NRXN3: variants seen among roughly 807,000 people sequenced by gnomAD.
NRXN3 encodes the protein neurexin III.
In NRXN3, 32 loss-of-function variants were observed where a neutral mutation model predicts 137.6. The ratio of observed to expected loss-of-function variants is 0.23; its 90% confidence interval spans 0.18 to 0.31. The LOEUF (loss-of-function observed/expected upper bound fraction) is 0.31, where lower values mean the gene tolerates loss of function less well. Ranked by LOEUF, NRXN3 falls within the 10% of genes least tolerant of loss-of-function variation. The probability of loss-of-function intolerance (pLI) is 1.00; values close to 1 mark genes in which losing one functional copy is unlikely to be tolerated. For missense variants in NRXN3, 1,574 were observed against 2,062.5 expected (o/e 0.76, Z 4.59); for synonymous variants, 798 against 784.5 (o/e 1.02, Z -0.29).
intron 15 of NRXN3, among the ~76,000 whole-genome samples, chr14:79,068,751 T>A (rs1325008638): frequency 6.6e-6 from 1 of 152,026 alleles, no homozygotes; most frequent in Non-Finnish European, 1.5e-5. Context: ...TCAATAAATA[T>A]GTAGTTTAAT....
At chr14:78,448,642 T>C (rs970167073) in intron 4 of NRXN3, among the ~76,000 whole-genome samples, 10 of 152,166 alleles carry the variant, frequency 6.6e-5, no homozygotes, top group Admixed American at 1.3e-4. Context: ...TTGTGCAATA[T>C]TCAGGTCTGC....
intron 10 of NRXN3, among the ~76,000 whole-genome samples, chr14:78,956,327 T>C (rs752549494): frequency 2.6e-5 from 4 of 152,194 alleles, no homozygotes; most frequent in Admixed American, 6.5e-5. Context: ...AAGAATGTGA[T>C]ATTTTCTTCC....
chr14:79,007,805 C>CA (rs1160867331), intron 15 of NRXN3, among the ~76,000 whole-genome samples: 2,200 of 35,514 alleles, frequency 0.062, 55 homozygotes, highest in Non-Finnish European at 0.081. Flanking sequence ...GACTCCATCT[C>CA]AAAAAAAAAA....
At chr14:78,925,135 T>C (rs1185029638) in intron 10 of NRXN3, among the ~76,000 whole-genome samples, 1 of 152,226 alleles carries the variant, frequency 6.6e-6, no homozygotes, top group Non-Finnish European at 1.5e-5. Flanking sequence ...TCTGGATCTG[T>C]TAGGTTGTCT....
intron 2 of NRXN3, among the ~76,000 whole-genome samples, chr14:78,262,538 C>T (rs2070918853): frequency 6.6e-6 from 1 of 152,158 alleles, no homozygotes; most frequent in Non-Finnish European, 1.5e-5. Context: ...CGAATAGCTG[C>T]ACCGTGTGGC....
chr14:79,348,922 T>G (rs1254683876), intron 15 of NRXN3, among the ~76,000 whole-genome samples: 1 of 152,230 alleles, frequency 6.6e-6, no homozygotes, highest in Non-Finnish European at 1.5e-5. Flanking sequence ...GAGAATGTTC[T>G]TTTATAACTC....
intron 15 of NRXN3, among the ~76,000 whole-genome samples, chr14:79,107,734 G>A (rs576767379): frequency 2.0e-5 from 3 of 152,090 alleles, no homozygotes; most frequent in South Asian, 2.1e-4. Context: ...GGAATTGAGG[G>A]CATCTACTTT....
At chr14:78,881,717 GAAGCAGAGCATAA>G (rs2099129594) in intron 10 of NRXN3, among the ~76,000 whole-genome samples, 1 of 151,782 alleles carries the variant, frequency 6.6e-6, no homozygotes, top group Non-Finnish European at 1.5e-5. Context: ...GTTTAAATGA[GAAGCAGAGCATAA>G]AAGTTTGGAA....
chr14:79,018,605 C>T (rs556676813), intron 15 of NRXN3, among the ~76,000 whole-genome samples: 1 of 152,162 alleles, frequency 6.6e-6, no homozygotes, highest in East Asian at 1.9e-4. Flanking sequence ...CTCTCTCACT[C>T]TCCTTTACAG....
chr14:78,573,776 G>A (rs1288232156), intron 4 of NRXN3, among the ~76,000 whole-genome samples: 3 of 152,178 alleles, frequency 2.0e-5, no homozygotes, highest in Admixed American at 6.5e-5. Flanking sequence ...CGATAGAAAA[G>A]AAAAACCCAT....
chr14:78,992,512 T>C (rs1478865836), intron 15 of NRXN3, among the ~76,000 whole-genome samples: 1 of 152,206 alleles, frequency 6.6e-6, no homozygotes, highest in Admixed American at 6.5e-5. Flanking sequence ...TTCTAGCATG[T>C]TGTAGCCATG....
At chr14:78,847,295 G>A (rs1047124911) in intron 10 of NRXN3, among the ~76,000 whole-genome samples, 4 of 152,072 alleles carry the variant, frequency 2.6e-5, no homozygotes, top group African/African-American at 9.7e-5. Flanking sequence ...TGCCCAACCT[G>A]CCACGGCTTG....
intron 16 of NRXN3, among the ~76,000 whole-genome samples, chr14:79,482,469 C>T (rs1600948210): frequency 6.6e-6 from 1 of 152,136 alleles, no homozygotes. Context: ...TCTATTTCTA[C>T]CACCCTGACA....
intron 15 of NRXN3, among the ~76,000 whole-genome samples, chr14:79,106,717 TTG>T (rs2052515401): frequency 6.6e-6 from 1 of 152,156 alleles, no homozygotes; most frequent in Non-Finnish European, 1.5e-5. Context: ...CCATAATTGA[TTG>T]TGTTTAGTAC....
At chr14:78,855,127 G>A (rs1053239685) in intron 10 of NRXN3, among the ~76,000 whole-genome samples, 1 of 150,914 alleles carries the variant, frequency 6.6e-6, no homozygotes, top group Non-Finnish European at 1.5e-5. Flanking sequence ...TCACGCTGCT[G>A]CACTCCAGCT....
At chr14:79,504,641 T>TATATATATATATATATA (rs1555491923) in intron 16 of NRXN3, among the ~76,000 whole-genome samples, 52 of 97,882 alleles carry the variant, frequency 5.3e-4, no homozygotes, top group African/African-American at 5.2e-4. Flanking sequence ...ATGAAGTTTT[T>TATATATATATATATATA]TATATATATA....
At chr14:78,631,532 T>G (rs2097523067) in intron 4 of NRXN3, among the ~76,000 whole-genome samples, 1 of 152,218 alleles carries the variant, frequency 6.6e-6, no homozygotes, top group Admixed American at 6.5e-5. Context: ...GTTTCATGGA[T>G]AGCATAGGAA....
chr14:79,701,567 G>A (rs1206071810), intron 19 of NRXN3, among the ~76,000 whole-genome samples: 1 of 152,074 alleles, frequency 6.6e-6, no homozygotes, highest in Non-Finnish European at 1.5e-5. Flanking sequence ...GATGGGCTGT[G>A]TTTATAGAGG....
chr14:79,686,763 T>C (rs781087416), intron 17 of NRXN3, among the ~76,000 whole-genome samples: 2 of 152,174 alleles, frequency 1.3e-5, no homozygotes, highest in Admixed American at 1.3e-4. Context: ...ACAGATCAAC[T>C]AGCACAGCCT....
Sources: allele counts gnomAD v4.1 joint callset (sites outside exome capture counted in the v4.1 genomes callset), GRCh38; gene constraint gnomAD v4.1.1; transcripts MANE v1.5; gene names NCBI Gene and HGNC (gene_info 2026-07-23, HGNC 2026-07-21).